Variants in NPAS3 observed in about 807,000 individuals in gnomAD.
NPAS3 encodes the protein neuronal PAS domain-containing protein 3.
NPAS3 carries 14 observed loss-of-function variants against 73.1 expected under a neutral mutation model. The ratio of observed to expected loss-of-function variants is 0.19; its 90% CI spans 0.13 to 0.30. The LOEUF (loss-of-function observed/expected upper bound fraction) is 0.30, where lower values mean the gene tolerates loss of function less well. NPAS3 is among the 10% of genes least tolerant of loss of function. The probability of loss-of-function intolerance (pLI) is 1.00; values close to 1 mark genes in which losing one functional copy is unlikely to be tolerated. For missense variants in NPAS3, 1,096 were observed against 1,250.0 expected (o/e 0.88, Z 1.86); for synonymous variants, 620 against 541.5 (o/e 1.14, Z -2.01).
chr14:33,577,566 T>C (rs888428573), intron 5 of NPAS3, among the ~76,000 whole-genome samples: 2 of 152,252 alleles, frequency 1.3e-5, no homozygotes, highest in Admixed American at 1.3e-4. Context: ...AACCAGGAAG[T>C]GGTAAGCCAG....
rs2041290698 is a variant in NPAS3, at chr14:33,275,514, T to C, written c.385+60088T>C. Reference sequence around the variant, plus strand: ...TTAACAGTACCCTGTAGAGAGGGAATAGTGCAATTAAAATTAGTGACAGAG... The same window carrying C: ...TTAACAGTACCCTGTAGAGAGGGAACAGTGCAATTAAAATTAGTGACAGAG... On this transcript the variant is annotated intron_variant, in intron 3 of 11. Coordinates refer to ENST00000356141, the Ensembl canonical transcript of NPAS3. Among the ~76,000 whole-genome samples, 8 of 152,336 alleles carry C rather than the reference T, an allele frequency of 5.3e-5. No individual in the cohort carries two copies. The South Asian group carries it at 1.7e-3, about 32-fold the overall frequency.
At chr14:33,140,258 A>T (rs919609624) in intron 2 of NPAS3, among the ~76,000 whole-genome samples, 1 of 152,198 alleles carries the variant, frequency 6.6e-6, no homozygotes, top group Non-Finnish European at 1.5e-5. Flanking sequence ...TTTGACACTC[A>T]GGTGGCTAAT....
intron 4 of NPAS3, among the ~76,000 whole-genome samples, chr14:33,485,511 A>C (rs2051541465): frequency 6.6e-6 from 1 of 152,088 alleles, no homozygotes. Context: ...AATCTCAGCA[A>C]AATGCAGACC....
intron 2 of NPAS3, among the ~76,000 whole-genome samples, chr14:33,084,558 G>A (rs1235868246): frequency 1.3e-5 from 2 of 152,100 alleles, no homozygotes; most frequent in Admixed American, 6.6e-5. Context: ...GTGGAAGGTG[G>A]CTAACCCTTC....
At chr14:33,508,568 A>G (rs1021883794) in intron 4 of NPAS3, among the ~76,000 whole-genome samples, 3 of 152,032 alleles carry the variant, frequency 2.0e-5, no homozygotes, top group African/African-American at 4.8e-5. Flanking sequence ...CTTAGCATCC[A>G]GGAAGCCAAC....
chr14:33,268,063 A>G (rs1459582039), intron 3 of NPAS3, among the ~76,000 whole-genome samples: 1 of 152,156 alleles, frequency 6.6e-6, no homozygotes, highest in Non-Finnish European at 1.5e-5. Flanking sequence ...TAAGTTTCAG[A>G]ATGGCCTGTG....
At chr14:33,174,062 A>T (rs746571795) in intron 2 of NPAS3, among the ~76,000 whole-genome samples, 1 of 152,228 alleles carries the variant, frequency 6.6e-6, no homozygotes, top group Non-Finnish European at 1.5e-5. Flanking sequence ...TTTTGCAGAC[A>T]TGATTTACTA....
intron 2 of NPAS3, among the ~76,000 whole-genome samples, chr14:33,116,736 C>T (rs2043077372): frequency 6.6e-6 from 1 of 150,474 alleles, no homozygotes; most frequent in South Asian, 2.1e-4. Context: ...CCCCTCCCCA[C>T]CCACCCATCA....
intron 3 of NPAS3, among the ~76,000 whole-genome samples, chr14:33,263,523 C>G (rs1348178873): frequency 6.6e-6 from 1 of 152,148 alleles, no homozygotes; most frequent in African/African-American, 2.4e-5. Flanking sequence ...GTTACTGTAG[C>G]CTTGTAGTAT....
chr14:33,190,514 G>A (rs2046132541), intron 2 of NPAS3, among the ~76,000 whole-genome samples: 1 of 152,214 alleles, frequency 6.6e-6, no homozygotes, highest in Non-Finnish European at 1.5e-5. Context: ...GATTAATTTA[G>A]AAGTGAAATA....
intron 2 of NPAS3, among the ~76,000 whole-genome samples, chr14:33,182,221 C>T (rs1017331588): frequency 4.0e-4 from 61 of 152,104 alleles, no homozygotes; most frequent in African/African-American, 1.3e-3. Flanking sequence ...AATGTATGGC[C>T]TGTGCATTTA....
intron 2 of NPAS3, among the ~76,000 whole-genome samples, chr14:33,073,695 C>T (rs1187285160): frequency 1.3e-5 from 2 of 152,168 alleles, no homozygotes; most frequent in Admixed American, 1.3e-4. Flanking sequence ...AGGGTTTAGG[C>T]ATACGGAGTC....
chr14:33,644,614 A>G (rs917839142), intron 5 of NPAS3, among the ~76,000 whole-genome samples: 1 of 152,188 alleles, frequency 6.6e-6, no homozygotes, highest in African/African-American at 2.4e-5. Flanking sequence ...ACACTGAGGA[A>G]TGAGCATTAG....
intron 4 of NPAS3, among the ~76,000 whole-genome samples, chr14:33,429,358 C>G (rs552347335): frequency 7.2e-5 from 11 of 152,116 alleles, no homozygotes; most frequent in African/African-American, 2.7e-4. Flanking sequence ...CCTATGCTAT[C>G]TCTTGGATCT....
chr14:33,703,013 A>C (rs191554997), intron 6 of NPAS3, among the ~76,000 whole-genome samples: 13 of 152,332 alleles, frequency 8.5e-5, no homozygotes, highest in Non-Finnish European at 1.8e-4. Context: ...TTTTAGTTTA[A>C]TACAGCAGAT....
At chr14:33,015,359 G>A (rs971078978) in intron 1 of NPAS3, among the ~76,000 whole-genome samples, 2 of 152,072 alleles carry the variant, frequency 1.3e-5, no homozygotes, top group African/African-American at 2.4e-5. Context: ...ATAAAAATAA[G>A]CAAAACATAA....
At chr14:33,524,544 T>G (rs1345364228) in intron 4 of NPAS3, among the ~76,000 whole-genome samples, 1 of 152,214 alleles carries the variant, frequency 6.6e-6, no homozygotes, top group African/African-American at 2.4e-5. Flanking sequence ...CTACATGATC[T>G]TAAAGCTTAT....
Position 33,149,748 on chromosome 14 carries a change from T to A in NPAS3, c.141-65434T>A, listed in dbSNP as rs191033422. Among the ~76,000 whole-genome samples the A allele has an allele frequency of 1.6e-3, 246 of 152,314 alleles. 2 individuals are homozygous for A. Among genetic ancestry groups the A allele is most frequent in the East Asian group, 3.9e-4 (2 of 5,180 alleles). On this transcript the variant is annotated intron_variant, in intron 2 of 11. Coordinates refer to ENST00000356141, the Ensembl canonical transcript of NPAS3. ...GACTGCAAATATACCTAGAAAATTC[T>A]TACTTCACCTCTTTGCCTGAACTAG...
intron 3 of NPAS3, among the ~76,000 whole-genome samples, chr14:33,220,094 C>T (rs1168857023): frequency 6.6e-6 from 1 of 152,178 alleles, no homozygotes; most frequent in Non-Finnish European, 1.5e-5. Context: ...TGTCTTTTTG[C>T]ACGGGTAAAG....
Sources: allele counts gnomAD v4.1 joint callset (sites outside exome capture counted in the v4.1 genomes callset), GRCh38; gene constraint gnomAD v4.1.1; transcripts MANE v1.5; gene names NCBI Gene and HGNC (gene_info 2026-07-23, HGNC 2026-07-21).